Variants in FGD5 observed in about 807,000 individuals in gnomAD.
FGD5 encodes FYVE, RhoGEF and PH domain-containing protein 5.
FGD5 carries 28 observed loss-of-function variants against 133.4 expected under a neutral mutation model. That is an observed-to-expected ratio of 0.21 (90% confidence interval 0.16 to 0.29). The LOEUF (loss-of-function observed/expected upper bound fraction) is 0.29. Among genes scored for constraint, FGD5 ranks in the 10% least tolerant of loss-of-function variants. The probability of loss-of-function intolerance (pLI) is 1.00; values close to 1 mark genes in which losing one functional copy is unlikely to be tolerated. For synonymous variants in FGD5, 810 were observed against 776.5 expected, an observed-to-expected ratio of 1.04 and a Z score of -0.72; for missense variants, 1,858 against 1,895.2, an observed-to-expected ratio of 0.98 and a Z score of 0.36.
chr3:14,898,117 G>A (rs1415816391), intron 6 of FGD5, 22 bp downstream of exon 6: 1 of 1,613,678 alleles, frequency 6.2e-7, no homozygotes, highest in East Asian at 2.2e-5. Context: ...GGTCCTCTGA[G>A]ACCCTGCTGT....
In FGD5 at chr3:14,917,817, A is replaced by G. The variant is rs2038589375; in HGVS notation, c.3489+485A>G. Among the ~76,000 whole-genome samples, 1 of 152,138 alleles carries G rather than the reference A, an allele frequency of 6.6e-6. No homozygotes were observed. The highest frequency in any genetic ancestry group is 2.4e-5 in the African/African-American group (1 of 41,408). Reference sequence around the variant, plus strand: ...AGACTGAAACTCTGCCCACATTAAAAACCAACTCTCCATTCCCCTCCTTCT... The same window carrying G: ...AGACTGAAACTCTGCCCACATTAAAGACCAACTCTCCATTCCCCTCCTTCT... On this transcript the variant is annotated intron_variant, in intron 12 of 19. Transcript: ENST00000285046. The surrounding 1 kb of genome is among the most constrained non-coding windows in gnomAD (Gnocchi z 4.1).
intron 1 of FGD5, among the ~76,000 whole-genome samples, chr3:14,859,975 T>C (rs560085732): frequency 7.5e-4 from 114 of 152,212 alleles, no homozygotes; most frequent in Non-Finnish European, 1.5e-3. Flanking sequence ...TATATTAGTA[T>C]GCATTGGAAA....
In FGD5 at chr3:14,921,930, G is replaced by A. The variant is rs2038688363; in HGVS notation, c.3582G>A (p.Glu1194=). Residue 1194 remains glutamate (E), a synonymous_variant, in exon 14 of 20, where the codon GAG becomes GAA. Transcript: ENST00000285046. ...CLMLSASSCA[E]RDEWYGCLSR... is the part of the protein sequence containing the mutation. The stretch of plus-strand genomic sequence containing the variant: ...CCCATGCCCGCAGCTCCTGTGCAGA[G>A]AGGGACGAGTGGTATGGCTGTCTGA... 3 of 1,568,108 alleles carry A rather than the reference G, an allele frequency of 1.9e-6. No individual in the cohort carries two copies. The African/African-American group carries it at 4.1e-5, about 21-fold the overall frequency.
At chr3:14,910,834 C>T (rs117236029) in intron 10 of FGD5, 27 bp from the exon 11 acceptor site, 44,042 of 1,607,126 alleles carry the variant, frequency 0.027, 2,623 homozygotes, top group East Asian at 0.27. Flanking sequence ...TCAGCCTGAC[C>T]GCCAAGTTCT....
At chr3:14,895,892 C>A (rs2038126966) in intron 4 of FGD5, among the ~76,000 whole-genome samples, 1 of 152,020 alleles carries the variant, frequency 6.6e-6, no homozygotes. Context: ...AAGCTGAAGA[C>A]GCCACCAAGA....
At chr3:14,844,361 A>G (rs1321953969) in intron 1 of FGD5, among the ~76,000 whole-genome samples, 1 of 145,146 alleles carries the variant, frequency 6.9e-6, no homozygotes, top group Non-Finnish European at 1.5e-5. Flanking sequence ...AGACTCCCCC[A>G]GGCACTCCCA....
intron 11 of FGD5, among the ~76,000 whole-genome samples, chr3:14,911,361 A>G (rs760857220): frequency 6.6e-6 from 1 of 152,138 alleles, no homozygotes; most frequent in African/African-American, 2.4e-5. Context: ...CTTATGGACA[A>G]CTGGAGTCTT....
intron 1 of FGD5, among the ~76,000 whole-genome samples, chr3:14,862,532 G>A (rs1250383052): frequency 6.6e-6 from 1 of 152,198 alleles, no homozygotes; most frequent in African/African-American, 2.4e-5. Flanking sequence ...GAGACAGGAG[G>A]GAGGCTTTGG....
At chr3:14,897,050 G>A (rs1045366924) in intron 4 of FGD5, 1 of 164,058 alleles carries the variant, frequency 6.1e-6, no homozygotes, top group African/African-American at 2.4e-5. Context: ...ATCATTTTTA[G>A]TGACAGCTTA....
At chr3:14,880,543 C>G (rs201399691) in intron 2 of FGD5, 29 bp from the exon 3 acceptor site, 23 of 1,610,964 alleles carry the variant, frequency 1.4e-5, no homozygotes, top group Middle Eastern at 1.7e-4. Flanking sequence ...GATGCCTGTC[C>G]CACCTGATTG....
intron 2 of FGD5, among the ~76,000 whole-genome samples, chr3:14,871,792 A>G (rs558521419): frequency 5.8e-4 from 89 of 152,294 alleles, no homozygotes; most frequent in Middle Eastern, 3.4e-3. Flanking sequence ...TCCTCAGTCA[A>G]AAGGGGAGTC....
intron 18 of FGD5, 119 bp from the exon 19 acceptor site, chr3:14,932,458 A>G: frequency 8.5e-7 from 1 of 1,183,430 alleles, no homozygotes; most frequent in Non-Finnish European, 1.2e-6. Context: ...GGTGAGCCCG[A>G]AGGTGCCAAA....
chr3:14,873,566 G>A (rs1274664406), intron 2 of FGD5, among the ~76,000 whole-genome samples: 3 of 152,108 alleles, frequency 2.0e-5, no homozygotes, highest in African/African-American at 4.8e-5. Flanking sequence ...TCTTGTTTGA[G>A]CCAACACTGG....
chr3:14,906,496 T>C (rs967970068), intron 9 of FGD5, among the ~76,000 whole-genome samples: 6 of 152,240 alleles, frequency 3.9e-5, no homozygotes, highest in African/African-American at 1.4e-4. Flanking sequence ...CTCCTGGAAC[T>C]GAAGCCTTGC....
rs767377384 is a variant in FGD5 at position 14,821,120 on chromosome 3, G to T, written c.2049G>T (p.Glu683Asp). Residue 683 changes from glutamate to aspartate, a missense_variant, in exon 1 of 20, where the codon GAG becomes GAT. Transcript: ENST00000285046. ...VNVSSSRSSS[E>D]SSYHGPSRIL... ...TGTCTTCCTCTAGGTCCTCTTCAGA[G>T]TCCAGCTACCACGGGCCTTCCAGGA... The T allele has an allele frequency of 6.2e-7, 1 of 1,613,988 alleles. No homozygotes were observed. Among genetic ancestry groups the T allele is most frequent in the South Asian group, 1.1e-5 (1 of 91,086 alleles).
chr3:14,915,873 A>C (rs1307265249), intron 11 of FGD5, among the ~76,000 whole-genome samples: 1 of 152,074 alleles, frequency 6.6e-6, no homozygotes, highest in African/African-American at 2.4e-5. Flanking sequence ...TGTTGGCGTC[A>C]TTTGTACAGG....
chr3:14,854,549 A>C lies in FGD5; in HGVS notation c.2526-9579A>C, dbSNP rs535880748. On this transcript the variant is annotated intron_variant, in intron 1 of 19. Coordinates refer to ENST00000285046, the MANE Select transcript of FGD5 (RefSeq NM_152536.4). ...TCCTGCCCTAGCCTCCCAAGTAGCT[A>C]GGACTACAGGTGTGCACCACTGCAC... Among the ~76,000 whole-genome samples the C allele has an allele frequency of 3.1e-3, 475 of 151,864 alleles. 2 individuals are homozygous for C. The highest frequency in any genetic ancestry group is 0.011 in the South Asian group (53 of 4,808).
intron 7 of FGD5, among the ~76,000 whole-genome samples, chr3:14,899,105 G>C (rs1207362442): frequency 6.6e-6 from 1 of 152,056 alleles, no homozygotes; most frequent in East Asian, 1.9e-4. Flanking sequence ...TGCCTCAGCT[G>C]GCCATCTCCT....
upstream of FGD5, chr3:14,810,822 C>T: frequency 1.0e-6 from 1 of 984,712 alleles, no homozygotes; most frequent in Non-Finnish European, 1.2e-6. Flanking sequence ...GACTGAAACG[C>T]CGACGGCGGC....
Sources: gnomAD v4.1 joint callset for allele counts (sites outside exome capture counted in the v4.1 genomes callset) on GRCh38, gnomAD v4.1.1 for gene constraint, Gnocchi (gnomAD v3.1) non-coding constraint, MANE v1.5 for transcripts, NCBI Gene and HGNC (gene_info 2026-07-23, HGNC 2026-07-21) for gene names.